Variants in ASB2 observed in about 807,000 individuals in gnomAD.
ASB2 encodes the protein ankyrin repeat and SOCS box protein 2.
In ASB2, 58 loss-of-function variants were observed where a neutral mutation model predicts 62.4. The ratio of observed to expected loss-of-function variants is 0.93; its 90% CI spans 0.75 to 1.16. The LOEUF (loss-of-function observed/expected upper bound fraction) is 1.16. Among genes scored for constraint, ASB2 ranks in the 50% most tolerant of loss-of-function variants. The pLI is 0.00. For synonymous variants in ASB2, 386 were observed against 385.3 expected (o/e 1.00, Z -0.02); for missense variants, 928 against 887.9 (o/e 1.05, Z -0.57).
chr14:93,934,894 C>T (rs1443104865), intron 9 of ASB2, 102 bp from the exon 10 acceptor site: 1 of 993,588 alleles, frequency 1.0e-6, no homozygotes, highest in East Asian at 2.4e-5. Context: ...GCTGATGTGG[C>T]TGGGTAAGAG....
intron 1 of ASB2, among the ~76,000 whole-genome samples, chr14:93,967,278 T>A (rs1435501953): frequency 1.3e-5 from 2 of 152,198 alleles, no homozygotes; most frequent in African/African-American, 4.8e-5. Flanking sequence ...CAGGTCTGAG[T>A]TGGCCCAGGT....
At chr14:93,953,234 G>T in intron 5 of ASB2, 118 bp downstream of exon 5, 2 of 837,610 alleles carry the variant, frequency 2.4e-6, no homozygotes, top group Non-Finnish European at 3.6e-6. Flanking sequence ...TACATAAATT[G>T]TGCATTTGAG....
Position 93,956,803 on chromosome 14 carries a change from T to G in ASB2, c.274A>C (p.Lys92Gln). Residue 92 changes from lysine (K) to glutamine (Q), a missense_variant, in exon 3 of 10, where the codon AAA (lysine) becomes CAA (glutamine). By Grantham distance (53) the Lys-to-Gln change is moderately conservative. Transcript: ENST00000555019. ...PMGLFQGVMQ[K>Q]YSSSLFKTSQ... ...GTCTTGAACAAGCTGCTGCTGTATTTCTGCATGACCCCTTGGAACAAGCCC... is the reference window on the plus strand; with the variant it reads ...GTCTTGAACAAGCTGCTGCTGTATTGCTGCATGACCCCTTGGAACAAGCCC... 1 of 1,614,216 alleles carries G rather than the reference T, an allele frequency of 6.2e-7. No homozygotes were observed. Among genetic ancestry groups the G allele is most frequent in the Non-Finnish European group, 8.5e-7 (1 of 1,180,026 alleles).
chr14:93,944,083 G>A (rs766912115), intron 7 of ASB2: 9 of 448,344 alleles, frequency 2.0e-5, no homozygotes, highest in South Asian at 6.3e-5. Flanking sequence ...AAAATCTCCC[G>A]GGCAGCTCTT....
intron 2 of ASB2, among the ~76,000 whole-genome samples, chr14:93,960,545 G>C (rs1306757882): frequency 1.3e-5 from 2 of 152,182 alleles, no homozygotes; most frequent in Non-Finnish European, 2.9e-5. Flanking sequence ...CAGCCTCCTG[G>C]ACTCACTCTG....
intron 2 of ASB2, among the ~76,000 whole-genome samples, chr14:93,959,533 G>C (rs1479848818): frequency 6.6e-6 from 1 of 152,224 alleles, no homozygotes; most frequent in Non-Finnish European, 1.5e-5. Flanking sequence ...ATTCCCAACA[G>C]AGCAAACCTC....
chr14:93,970,147 G>A (rs921052052), intron 1 of ASB2, among the ~76,000 whole-genome samples: 2 of 152,180 alleles, frequency 1.3e-5, no homozygotes, highest in African/African-American at 4.8e-5. Context: ...GTGGTTGTTT[G>A]AGGGGCTGGG....
chr14:93,935,015 C>T (rs544349615), intron 9 of ASB2, among the ~76,000 whole-genome samples: 41 of 152,306 alleles, frequency 2.7e-4, no homozygotes, highest in African/African-American at 6.0e-4. Context: ...CAGTGCACAG[C>T]GTGGTTAGCA....
chr14:93,952,789 C>T (rs928048183), intron 5 of ASB2, among the ~76,000 whole-genome samples: 1 of 152,236 alleles, frequency 6.6e-6, no homozygotes, highest in African/African-American at 2.4e-5. Flanking sequence ...ACTAAACACT[C>T]AATCAATGCT....
chr14:93,975,224 G>T (rs1328919839), intron 1 of ASB2, among the ~76,000 whole-genome samples: 2 of 152,266 alleles, frequency 1.3e-5, no homozygotes, highest in Non-Finnish European at 2.9e-5. Context: ...ATCTTCAGAA[G>T]AGCATTCCTG....
chr14:93,954,580 C>T (rs1166261842), intron 3 of ASB2, 97 bp from the exon 4 acceptor site: 2 of 1,102,906 alleles, frequency 1.8e-6, no homozygotes, highest in Non-Finnish European at 2.7e-6. Flanking sequence ...TCACTCGGTC[C>T]TCGTCCCTGC....
chr14:93,968,683 GGGA>G (rs145393863), intron 1 of ASB2, among the ~76,000 whole-genome samples: 1,677 of 152,306 alleles, frequency 0.011, 31 homozygotes, highest in African/African-American at 0.034. Context: ...TACACGCAGA[GGGA>G]GGAGAAGGGT....
intron 1 of ASB2, among the ~76,000 whole-genome samples, chr14:93,965,471 T>G (rs1889558733): frequency 6.6e-6 from 1 of 152,222 alleles, no homozygotes. Flanking sequence ...GTCATTAAAA[T>G]AACGTCCCAT....
chr14:93,939,508 A>T lies in ASB2; in HGVS notation c.1217T>A (p.Leu406His). Residue 406 changes from leucine to histidine, a missense_variant, in exon 8 of 10, where the codon CTC (leucine) becomes CAC (histidine). Transcript: ENST00000555019. ...NTPLAPERAR[L>H]YEDRRSSALY... is the part of the protein sequence containing the mutation. The stretch of plus-strand genomic sequence containing the variant: ...CGCGGAGCTGCGCCGGTCTTCGTAG[A>T]GGCGCGCGCGCTCGGGGGCCAGCGG... 1 of 1,608,164 alleles carries T rather than the reference A, an allele frequency of 6.2e-7. No homozygotes were observed. Among genetic ancestry groups the T allele is most frequent in the Non-Finnish European group, 8.5e-7 (1 of 1,177,502 alleles).
At position 93,934,642 on chromosome 14, in the gene ASB2, C is replaced by G. The variant is rs912486696; in HGVS notation, c.*14G>C. 3 of 1,613,598 alleles carry G rather than the reference C, an allele frequency of 1.9e-6. No homozygotes were observed. The African/African-American group carries it at 4.0e-5, about 22-fold the overall frequency. ...AGAGTCTGAGGGGCTACTCCTCTCT[C>G]CCCGTGGCCCCAGTTACTGGGTGTT... On this transcript the variant is annotated 3_prime_UTR_variant, in exon 10 of 10. Coordinates refer to ENST00000555019, the MANE Select transcript of ASB2 (RefSeq NM_001202429.2).
chr14:93,945,694 G>T (rs1888698867), intron 7 of ASB2, among the ~76,000 whole-genome samples: 1 of 152,168 alleles, frequency 6.6e-6, no homozygotes. Context: ...TGTACTGGGG[G>T]GTGTGGGGAG....
intron 6 of ASB2, among the ~76,000 whole-genome samples, chr14:93,950,567 T>C (rs1438040059): frequency 6.6e-6 from 1 of 152,174 alleles, no homozygotes; most frequent in Non-Finnish European, 1.5e-5. Flanking sequence ...TGAGGTTCCT[T>C]CTGGCCCTGA....
At chr14:93,948,153 G>A (rs1888814906) in intron 6 of ASB2, 1 of 154,488 alleles carries the variant, frequency 6.5e-6, no homozygotes, top group African/African-American at 2.4e-5. Flanking sequence ...TCCACAGTGG[G>A]TGGTCACCTT....
intron 5 of ASB2, among the ~76,000 whole-genome samples, chr14:93,952,755 A>G (rs570319866): frequency 6.6e-6 from 1 of 152,370 alleles, no homozygotes; most frequent in South Asian, 2.1e-4. Context: ...TGAGGGGTCC[A>G]TAAGAGAACG....
Sources: gnomAD v4.1 joint callset for allele counts (sites outside exome capture counted in the v4.1 genomes callset) on GRCh38, gnomAD v4.1.1 for gene constraint, MANE v1.5 for transcripts, NCBI Gene and HGNC (gene_info 2026-07-23, HGNC 2026-07-21) for gene names.